The following GTF2B variants were observed in gnomAD, a reference collection of about 807,000 sequenced individuals.
The protein encoded by GTF2B is transcription initiation factor IIB.
Under a neutral mutation model 34.6 loss-of-function variants are expected in GTF2B, and 20 were observed. The ratio of observed to expected loss-of-function variants is 0.58; its 90% CI spans 0.41 to 0.84. GTF2B has a LOEUF of 0.84. Ranked by LOEUF, GTF2B falls within the 40% of genes least tolerant of loss-of-function variation. The pLI is 0.00. For synonymous variants in GTF2B, 142 were observed against 132.4 expected, an observed-to-expected ratio of 1.07 and a Z score of -0.50; for missense variants, 237 against 393.3, an observed-to-expected ratio of 0.60 and a Z score of 3.36.
chr1:88,874,468 G>A (rs924880540), intron 2 of GTF2B, among the ~76,000 whole-genome samples: 1 of 147,886 alleles, frequency 6.8e-6, no homozygotes, highest in Non-Finnish European at 1.5e-5. Context: ...TAGGACTATA[G>A]GCTTGCGCCA....
intron 6 of GTF2B, among the ~76,000 whole-genome samples, chr1:88,853,571 G>A (rs1341840351): frequency 1.3e-5 from 2 of 152,174 alleles, no homozygotes; most frequent in East Asian, 3.9e-4. Context: ...TTGGGAGGCC[G>A]AGGCGGGTGG....
intron 5 of GTF2B, 76 bp from the exon 6 acceptor site, chr1:88,857,563 T>C: frequency 1.4e-6 from 1 of 719,774 alleles, no homozygotes. Flanking sequence ...TTTCTAATTA[T>C]AAACATAATA....
At chr1:88,882,060 A>T (rs946813902) in intron 2 of GTF2B, among the ~76,000 whole-genome samples, 1 of 152,170 alleles carries the variant, frequency 6.6e-6, no homozygotes, top group Non-Finnish European at 1.5e-5. Flanking sequence ...CTGTAAACTC[A>T]GAACGCTGGG....
intron 2 of GTF2B, among the ~76,000 whole-genome samples, chr1:88,872,455 TAAAAAAAAA>T (rs34668666): frequency 1.9e-4 from 14 of 74,836 alleles, no homozygotes; most frequent in South Asian, 7.0e-4. Context: ...TCCATCTCAA[TAAAAAAAAA>T]AAAAAAAAAA....
At chr1:88,882,673 A>G (rs1673977040) in intron 2 of GTF2B, among the ~76,000 whole-genome samples, 1 of 152,234 alleles carries the variant, frequency 6.6e-6, no homozygotes, top group South Asian at 2.1e-4. Flanking sequence ...TCATGTGTCA[A>G]TGATGTTGTG....
chr1:88,860,967 C>T (rs960903565), intron 3 of GTF2B, among the ~76,000 whole-genome samples: 3 of 151,994 alleles, frequency 2.0e-5, no homozygotes, highest in African/African-American at 7.3e-5. Flanking sequence ...ACCGGAAGTA[C>T]AAAATTGGAA....
intron 2 of GTF2B, among the ~76,000 whole-genome samples, chr1:88,874,618 C>T (rs534758554): frequency 2.7e-5 from 4 of 150,574 alleles, no homozygotes; most frequent in African/African-American, 7.3e-5. Context: ...ATCAGGATTA[C>T]GGCACAAGCC....
At chr1:88,881,120 T>C (rs1204384417) in intron 2 of GTF2B, among the ~76,000 whole-genome samples, 1 of 151,024 alleles carries the variant, frequency 6.6e-6, no homozygotes, top group Non-Finnish European at 1.5e-5. Flanking sequence ...GAATATGAGT[T>C]TGGCCAGAAG....
rs778632048 is a variant in GTF2B at position 88,864,132 on chromosome 1, T to C, written c.125-18A>G. Reference sequence around the variant, plus strand: ...CCGGTCACCTAAGAATATAAGCACATATCTGAATCATTTTGTCAAGATAGG... The same window carrying C: ...CCGGTCACCTAAGAATATAAGCACACATCTGAATCATTTTGTCAAGATAGG... On this transcript the variant is annotated intron_variant, in intron 2 of 6. Transcript: ENST00000370500. 65 of 1,612,792 alleles carry C rather than the reference T, an allele frequency of 4.0e-5. No homozygotes were observed. The highest frequency in any genetic ancestry group is 1.3e-4 in the East Asian group (6 of 44,880).
chr1:88,862,723 C>T (rs189289771), intron 3 of GTF2B, among the ~76,000 whole-genome samples: 1 of 152,248 alleles, frequency 6.6e-6, no homozygotes, highest in Non-Finnish European at 1.5e-5. Context: ...ACTGCAACCT[C>T]CGCCTCCCGG....
chr1:88,868,801 T>G (rs1426281171), intron 2 of GTF2B, among the ~76,000 whole-genome samples: 5 of 151,964 alleles, frequency 3.3e-5, no homozygotes, highest in African/African-American at 1.2e-4. Context: ...AGTGGCTCAA[T>G]CTCGGCTCAC....
At chr1:88,887,005 G>T (rs113029041) in intron 2 of GTF2B, among the ~76,000 whole-genome samples, 2 of 151,630 alleles carry the variant, frequency 1.3e-5, no homozygotes. Flanking sequence ...TGCAACCTCC[G>T]CCTCCTGGGT....
At chr1:88,882,481 T>C (rs75486995) in intron 2 of GTF2B, among the ~76,000 whole-genome samples, 2,841 of 152,258 alleles carry the variant, frequency 0.019, 83 homozygotes, top group African/African-American at 0.065. Context: ...TAAGCAAACA[T>C]TTTCTGTAAA....
intron 6 of GTF2B, 137 bp downstream of exon 6, chr1:88,857,069 G>A: frequency 1.3e-6 from 1 of 741,082 alleles, no homozygotes. Context: ...CCAAAGTGCT[G>A]AGATTATAGG....
chr1:88,874,590 G>A (rs1038771447), intron 2 of GTF2B, among the ~76,000 whole-genome samples: 5 of 132,906 alleles, frequency 3.8e-5, no homozygotes, highest in South Asian at 2.4e-4. Context: ...TGATCCTCCC[G>A]CCTCAGCCTC....
At chr1:88,857,153 TCA>T in intron 6 of GTF2B, 51 bp downstream of exon 6, 3 of 1,504,392 alleles carry the variant, frequency 2.0e-6, no homozygotes, top group Non-Finnish European at 2.7e-6. Context: ...GGAAAAACAA[TCA>T]CATGCTGCAA....
intron 2 of GTF2B, among the ~76,000 whole-genome samples, chr1:88,873,862 G>A (rs567189573): frequency 3.0e-4 from 45 of 152,234 alleles, no homozygotes; most frequent in African/African-American, 9.9e-4. Flanking sequence ...TAGCTACAAG[G>A]GAAACTGGGA....
intron 2 of GTF2B, among the ~76,000 whole-genome samples, chr1:88,885,538 A>G (rs1674047127): frequency 6.6e-6 from 1 of 152,180 alleles, no homozygotes; most frequent in Admixed American, 6.5e-5. Flanking sequence ...ACCTGAGGTC[A>G]GGAGTTCGAG....
chr1:88,871,968 G>A (rs1043456771), intron 2 of GTF2B, among the ~76,000 whole-genome samples: 45 of 151,848 alleles, frequency 3.0e-4, no homozygotes, highest in Non-Finnish European at 5.0e-4. Context: ...CCTGACCTCA[G>A]GTAGTCCACC....
Sources: allele counts gnomAD v4.1 joint callset (sites outside exome capture counted in the v4.1 genomes callset), GRCh38; gene constraint gnomAD v4.1.1; transcripts MANE v1.5; gene names NCBI Gene and HGNC (gene_info 2026-07-23, HGNC 2026-07-21).